The following RFX3 variants were observed in gnomAD, a reference collection of about 807,000 sequenced individuals.
RFX3 encodes the protein regulatory factor X3, also known as transcription factor RFX3.
Under a neutral mutation model 98.6 loss-of-function variants are expected in RFX3, and 14 were observed. That is an observed-to-expected ratio of 0.14 (90% CI 0.09 to 0.22). RFX3 has a LOEUF of 0.22. RFX3 is among the 10% of genes least tolerant of loss of function. RFX3 has a pLI of 1.00. For missense variants in RFX3, 639 were observed against 926.9 expected (o/e 0.69, Z 4.03); for synonymous variants, 383 against 328.4 (o/e 1.17, Z -1.80).
At chr9:3,453,440 C>A (rs937408825) in intron 1 of RFX3, 1 of 151,940 alleles carries the variant, frequency 6.6e-6, no homozygotes, top group Non-Finnish European at 1.5e-5. Context: ...GTGGCTCATG[C>A]CTGTAATGCT....
intron 1 of RFX3, among the ~76,000 whole-genome samples, chr9:3,477,510 C>A (rs1422868869): frequency 6.6e-6 from 1 of 152,146 alleles, no homozygotes; most frequent in Non-Finnish European, 1.5e-5. Flanking sequence ...GTCTTCTAGC[C>A]TCCAGGGTTT....
intron 2 of RFX3, among the ~76,000 whole-genome samples, chr9:3,362,613 G>A (rs1040407990): frequency 2.0e-5 from 3 of 152,172 alleles, no homozygotes; most frequent in Non-Finnish European, 4.4e-5. Flanking sequence ...ATTGCTATAG[G>A]CAACTCTAAC....
At chr9:3,369,853 G>A (rs372367236) in intron 2 of RFX3, among the ~76,000 whole-genome samples, 2 of 151,996 alleles carry the variant, frequency 1.3e-5, no homozygotes, top group African/African-American at 4.8e-5. Context: ...TGTTTGACAC[G>A]GAGTCTTGAT....
chr9:3,268,444 C>G (rs939722625), intron 11 of RFX3, among the ~76,000 whole-genome samples: 4 of 151,596 alleles, frequency 2.6e-5, no homozygotes, highest in African/African-American at 9.7e-5. Flanking sequence ...CTTGTCTCAA[C>G]CTGCTCAAGA....
chr9:3,470,778 A>T (rs1057457270), intron 1 of RFX3, among the ~76,000 whole-genome samples: 1 of 152,234 alleles, frequency 6.6e-6, no homozygotes. Context: ...TCATCTATGC[A>T]TATAAACAGA....
chr9:3,451,810 A>C (rs1036147720), intron 1 of RFX3, among the ~76,000 whole-genome samples: 4 of 152,088 alleles, frequency 2.6e-5, no homozygotes, highest in Non-Finnish European at 5.9e-5. Context: ...ATTTATTCTA[A>C]AATAAAAAGA....
At chr9:3,396,316 T>C (rs986357107) in intron 1 of RFX3, among the ~76,000 whole-genome samples, 2 of 152,148 alleles carry the variant, frequency 1.3e-5, no homozygotes, top group African/African-American at 4.8e-5. Flanking sequence ...TTGCAATAGT[T>C]TGCTGAGAAT....
chr9:3,435,257 C>G (rs1845018346), intron 1 of RFX3, among the ~76,000 whole-genome samples: 1 of 151,972 alleles, frequency 6.6e-6, no homozygotes, highest in Admixed American at 6.6e-5. Context: ...TGTAACCTTT[C>G]TACTTTATAA....
At chr9:3,332,457 T>C (rs1428180031) in intron 3 of RFX3, among the ~76,000 whole-genome samples, 1 of 152,158 alleles carries the variant, frequency 6.6e-6, no homozygotes, top group Admixed American at 6.5e-5. Flanking sequence ...ACTTTCAAAT[T>C]TTGGAGCATT....
chr9:3,398,272 G>A (rs529528048), intron 1 of RFX3, among the ~76,000 whole-genome samples: 148 of 152,002 alleles, frequency 9.7e-4, no homozygotes, highest in Non-Finnish European at 1.8e-3. Flanking sequence ...CAAAATTTGG[G>A]GAGAGAATAC....
At chr9:3,333,523 A>G (rs7028013) in intron 3 of RFX3, among the ~76,000 whole-genome samples, 9,588 of 151,686 alleles carry the variant, frequency 0.063, 1,028 homozygotes, top group African/African-American at 0.22. Context: ...CCAACTGGAA[A>G]TCTCATTTGT....
intron 1 of RFX3, among the ~76,000 whole-genome samples, chr9:3,512,622 A>C (rs1230435829): frequency 6.6e-6 from 1 of 151,994 alleles, no homozygotes; most frequent in African/African-American, 2.4e-5. Flanking sequence ...GTCTAGAAAT[A>C]GTCAAACCTC....
intron 4 of RFX3, among the ~76,000 whole-genome samples, chr9:3,315,773 A>G (rs931778190): frequency 1.3e-5 from 2 of 152,248 alleles, no homozygotes; most frequent in African/African-American, 4.8e-5. Flanking sequence ...TAGAAAATCT[A>G]GAAGAAATGG....
chr9:3,486,457 T>C (rs1850284530), intron 1 of RFX3, among the ~76,000 whole-genome samples: 1 of 152,326 alleles, frequency 6.6e-6, no homozygotes, highest in South Asian at 2.1e-4. Context: ...TCCTTTCCTA[T>C]ACAAAATAGT....
At chr9:3,312,906 C>G (rs539601346) in intron 4 of RFX3, among the ~76,000 whole-genome samples, 1 of 152,330 alleles carries the variant, frequency 6.6e-6, no homozygotes, top group South Asian at 2.1e-4. Context: ...ATCAAGGAGG[C>G]CTGCCTGCCT....
intron 3 of RFX3, among the ~76,000 whole-genome samples, chr9:3,337,909 T>C (rs1013191025): frequency 6.6e-6 from 1 of 152,226 alleles, no homozygotes; most frequent in African/African-American, 2.4e-5. Flanking sequence ...AAGAAGTAGC[T>C]ACATTATTTG....
chr9:3,452,047 T>C (rs549758717), intron 1 of RFX3, among the ~76,000 whole-genome samples: 30 of 152,258 alleles, frequency 2.0e-4, no homozygotes, highest in Admixed American at 1.5e-3. Flanking sequence ...TACCTGCAAC[T>C]CCCTACATGA....
At chr9:3,247,055 T>A (rs933830413) in intron 15 of RFX3, 1 of 981,936 alleles carries the variant, frequency 1.0e-6, no homozygotes, top group Non-Finnish European at 1.2e-6. Flanking sequence ...CACTCTTTTT[T>A]ATTTATATAA....
Position 3,301,636 on chromosome 9 carries a change from A to C in RFX3, c.475-16T>G. 6.3e-7 allele frequency: 1 copy of C among 1,577,704 alleles called. No individual in the cohort carries two copies. The highest frequency in any genetic ancestry group is 8.7e-7 in the Non-Finnish European group (1 of 1,151,800). On this transcript the variant is annotated splice_polypyrimidine_tract_variant and intron_variant, in intron 4 of 16. Coordinates refer to ENST00000617270, the MANE Select transcript of RFX3 (RefSeq NM_001282116.2). Reference sequence around the variant, plus strand: ...CCATTTCAATCTGATAATAGATGTCATTAAAAAAAGGGCTCAAGACAAGAT... The same window carrying C: ...CCATTTCAATCTGATAATAGATGTCCTTAAAAAAAGGGCTCAAGACAAGAT...
Sources: gnomAD v4.1 joint callset for allele counts (sites outside exome capture counted in the v4.1 genomes callset) on GRCh38, gnomAD v4.1.1 for gene constraint, MANE v1.5 for transcripts, NCBI Gene and HGNC (gene_info 2026-07-23, HGNC 2026-07-21) for gene names.